SYT12: variants seen among roughly 807,000 people sequenced by gnomAD.
SYT12 encodes synaptotagmin-12.
Under a neutral mutation model 39.5 loss-of-function variants are expected in SYT12, and 27 were observed. That is an observed-to-expected ratio of 0.68 (90% CI 0.50 to 0.94). The LOEUF is 0.94. Among genes scored for constraint, SYT12 ranks in the 40% least tolerant of loss-of-function variants. The pLI is 0.00. For missense variants in SYT12, 536 were observed against 572.6 expected (o/e 0.94, Z 0.65); for synonymous variants, 233 against 239.7 (o/e 0.97, Z 0.26).
At chr11:67,042,849 C>G (rs1950539063) in intron 4 of SYT12, among the ~76,000 whole-genome samples, 1 of 152,044 alleles carries the variant, frequency 6.6e-6, no homozygotes, top group Non-Finnish European at 1.5e-5. Flanking sequence ...CAGGCAGTGA[C>G]AGAAGAGTGT....
chr11:67,036,646 A>C (rs1200907382), intron 3 of SYT12, among the ~76,000 whole-genome samples: 1 of 152,008 alleles, frequency 6.6e-6, no homozygotes, highest in Non-Finnish European at 1.5e-5. Flanking sequence ...TTTGAAAAAA[A>C]TTTTCCAGGC....
Position 67,040,222 on chromosome 11 carries a change from G to A in SYT12, c.621+19G>A, listed in dbSNP as rs764848765. On this transcript the variant is annotated intron_variant, in intron 4 of 7. Coordinates refer to ENST00000527043, the MANE Select transcript of SYT12 (RefSeq NM_177963.4). Reference sequence around the variant, plus strand: ...TTCTCGGGTAAGTGGGGCTCAGGGCGGGGCAGAAGGGTGCTCTGGGCTCAC... The same window carrying A: ...TTCTCGGGTAAGTGGGGCTCAGGGCAGGGCAGAAGGGTGCTCTGGGCTCAC... The A allele has an allele frequency of 1.7e-5, 26 of 1,554,524 alleles. No individual in the cohort carries two copies. Among genetic ancestry groups the A allele is most frequent in the Admixed American group, 7.1e-5 (4 of 56,072 alleles).
intron 3 of SYT12, 67 bp from the exon 4 acceptor site, chr11:67,039,744 T>G (rs1175111691): frequency 6.6e-7 from 1 of 1,526,190 alleles, no homozygotes; most frequent in African/African-American, 1.4e-5. Context: ...CTCATCTCTT[T>G]GCCGTCTCCC....
At chr11:67,028,664 C>T (rs558262863) in intron 1 of SYT12, 3 of 152,286 alleles carry the variant, frequency 2.0e-5, no homozygotes, top group Admixed American at 6.5e-5. Context: ...CAGGATGCTC[C>T]GAGGGGTTGG....
chr11:67,036,930 A>C (rs1017618474), intron 3 of SYT12, among the ~76,000 whole-genome samples: 5 of 152,038 alleles, frequency 3.3e-5, no homozygotes, highest in Non-Finnish European at 7.4e-5. Flanking sequence ...AAAATTAGCC[A>C]AGTGTGGTGG....
At chr11:67,027,861 A>T (rs1373452661) in intron 1 of SYT12, 1 of 152,278 alleles carries the variant, frequency 6.6e-6, no homozygotes, top group Non-Finnish European at 1.5e-5. Flanking sequence ...CCGATGGCTT[A>T]TCTGATTCCC....
chr11:67,049,036 T>C lies in SYT12; in HGVS notation c.*279T>C, dbSNP rs3741190. On this transcript the variant is annotated 3_prime_UTR_variant, in exon 8 of 8. Transcript: ENST00000527043. ...CCTCCCGGTAGGCCAGCTGCCGAGC[T>C]GGGCTATGTTCTGGAACCCAGTGAA... 309,977 of 361,320 alleles carry C rather than the reference T, an allele frequency of 0.86. 136,061 individuals are homozygous for C. The highest frequency in any genetic ancestry group is 0.95 in the South Asian group (12,918 of 13,608). 22.4% of individuals were successfully genotyped at this position (361,320 alleles called of 1,614,324 possible).
chr11:67,008,076 C>G (rs543176948), intron 1 of SYT12, among the ~76,000 whole-genome samples: 2 of 151,864 alleles, frequency 1.3e-5, no homozygotes, highest in East Asian at 1.9e-4. Flanking sequence ...GCCTCAGCCT[C>G]CCGAGTAGCT....
intron 3 of SYT12, among the ~76,000 whole-genome samples, chr11:67,036,684 C>G (rs1293068318): frequency 6.6e-6 from 1 of 152,116 alleles, no homozygotes; most frequent in East Asian, 1.9e-4. Flanking sequence ...GCCCGTAATC[C>G]CAGCACTTTG....
intron 5 of SYT12, 72 bp downstream of exon 5, chr11:67,043,925 C>G: frequency 7.6e-7 from 1 of 1,308,230 alleles, no homozygotes; most frequent in Non-Finnish European, 1.1e-6. Context: ...GGGACTCCAT[C>G]ATCCTCATCA....
intron 1 of SYT12, among the ~76,000 whole-genome samples, chr11:67,008,044 C>T (rs1339693231): frequency 6.6e-6 from 1 of 151,496 alleles, no homozygotes; most frequent in Non-Finnish European, 1.5e-5. Flanking sequence ...ACCTCCGCCT[C>T]CCGGGTTCAA....
intron 3 of SYT12, among the ~76,000 whole-genome samples, chr11:67,035,496 T>G (rs201755045): frequency 6.8e-6 from 1 of 147,446 alleles, no homozygotes; most frequent in Non-Finnish European, 1.5e-5. Context: ...CTCGCTCTGT[T>G]GCCCAGGCTG....
At chr11:67,019,074 C>T (rs1012172360), upstream of SYT12, among the ~76,000 whole-genome samples, 2 of 152,220 alleles carry the variant, frequency 1.3e-5, no homozygotes, top group Admixed American at 6.5e-5. Context: ...CACAGTTCCT[C>T]ATGACTGGGG....
intron 3 of SYT12, among the ~76,000 whole-genome samples, chr11:67,011,601 T>C (rs1238182965): frequency 6.6e-6 from 1 of 152,120 alleles, no homozygotes; most frequent in Non-Finnish European, 1.5e-5. Context: ...CATTGCCGGC[T>C]CTTTCCACAC....
At position 67,030,103 on chromosome 11, in the gene SYT12, ACT is replaced by A; in HGVS notation, c.-23-14_-23-13del. ...TGACTCTCTGCAGCCCTCTCCTCTC[ACT>A]CTCTTTTCCCTTCCAGTCACAGTCA... On this transcript the variant is annotated splice_polypyrimidine_tract_variant and intron_variant, in intron 1 of 7. Coordinates refer to ENST00000527043, the MANE Select transcript of SYT12 (RefSeq NM_177963.4). The A allele has an allele frequency of 1.2e-6, 2 of 1,612,098 alleles. No individual in the cohort carries two copies. The highest frequency in any genetic ancestry group is 1.1e-5 in the South Asian group (1 of 90,964).
intron 3 of SYT12, among the ~76,000 whole-genome samples, chr11:67,038,370 G>T (rs1316247969): frequency 5.3e-5 from 8 of 151,794 alleles, no homozygotes; most frequent in African/African-American, 1.9e-4. Flanking sequence ...TCACCATGTT[G>T]GCCAGGCTGG....
intron 3 of SYT12, among the ~76,000 whole-genome samples, chr11:67,015,683 G>A (rs1040328233): frequency 1.3e-5 from 2 of 152,216 alleles, no homozygotes; most frequent in African/African-American, 4.8e-5. Flanking sequence ...GCGTCAAGGA[G>A]GTAATGAATA....
At chr11:67,020,737 C>G (rs149052602), upstream of SYT12, among the ~76,000 whole-genome samples, 135 of 152,124 alleles carry the variant, frequency 8.9e-4, no homozygotes, top group African/African-American at 2.9e-3. Flanking sequence ...TGAGATTCAC[C>G]CACCATTTTT....
intron 1 of SYT12, among the ~76,000 whole-genome samples, chr11:67,026,455 C>T (rs1385627469): frequency 6.6e-6 from 1 of 151,514 alleles, no homozygotes; most frequent in Non-Finnish European, 1.5e-5. Flanking sequence ...GTATTTTTAG[C>T]AGAGATGGGG....
Sources: allele counts gnomAD v4.1 joint callset (sites outside exome capture counted in the v4.1 genomes callset), GRCh38; gene constraint gnomAD v4.1.1; transcripts MANE v1.5; gene names NCBI Gene and HGNC (gene_info 2026-07-23, HGNC 2026-07-21).